ECPAS: variants seen among roughly 807,000 people sequenced by gnomAD.
ECPAS encodes the protein Ecm29 proteasome adaptor and scaffold.
Under a neutral mutation model 255.1 loss-of-function variants are expected in ECPAS, and 70 were observed. That is an observed-to-expected ratio of 0.27 (90% CI 0.23 to 0.33). The LOEUF (loss-of-function observed/expected upper bound fraction) is 0.33, where lower values mean the gene tolerates loss of function less well. ECPAS is among the 10% of genes least tolerant of loss of function. The pLI is 1.00. For synonymous variants in ECPAS, 784 were observed against 775.0 expected (o/e 1.01, Z -0.19); for missense variants, 1,817 against 2,206.4 (o/e 0.82, Z 3.54).
chr9:111,440,334 G>A, intron 6 of ECPAS, 38 bp downstream of exon 6: 1 of 1,552,238 alleles, frequency 6.4e-7, no homozygotes, highest in Non-Finnish European at 8.8e-7. Context: ...CGTAGTAAAA[G>A]CAGTCAAGAA....
intron 13 of ECPAS, among the ~76,000 whole-genome samples, chr9:111,422,452 T>C (rs1395447919): frequency 1.3e-5 from 2 of 152,200 alleles, no homozygotes; most frequent in Non-Finnish European, 2.9e-5. Context: ...GATTTTAACA[T>C]GAAGAAATTA....
At chr9:111,439,935 G>A (rs1200221501) in intron 6 of ECPAS, among the ~76,000 whole-genome samples, 3 of 152,058 alleles carry the variant, frequency 2.0e-5, no homozygotes, top group Non-Finnish European at 4.4e-5. Flanking sequence ...AAATGATATT[G>A]CAGCAACAAA....
In ECPAS at chr9:111,428,100, A is replaced by G; in HGVS notation, c.992T>C (p.Ile331Thr). Residue 331 changes from isoleucine (I) to threonine (T), a missense_variant, in exon 10 of 50, where the codon ATT becomes ACT. Transcript: ENST00000684092. ...TCTAGAGCGGAGGAGATGGGGGACA[A>G]TCTTTAACTTGACTCTTGTACTGAC... Reference protein sequence around the residue: ...DPVSTRVKLKIVPHLLRSRQA... With the variant: ...DPVSTRVKLKTVPHLLRSRQA... The G allele has an allele frequency of 6.2e-7, 1 of 1,613,514 alleles. No homozygotes were observed. Among genetic ancestry groups the G allele is most frequent in the Non-Finnish European group, 8.5e-7 (1 of 1,179,638 alleles).
chr9:111,467,035 T>C (rs1394079079), intron 2 of ECPAS, among the ~76,000 whole-genome samples: 2 of 152,236 alleles, frequency 1.3e-5, no homozygotes, highest in East Asian at 3.8e-4. Flanking sequence ...AGTAAAGGTT[T>C]AAAGACTTCA....
At chr9:111,410,420 T>C (rs1281017500) in intron 22 of ECPAS, among the ~76,000 whole-genome samples, 3 of 152,138 alleles carry the variant, frequency 2.0e-5, no homozygotes, top group East Asian at 3.8e-4. Context: ...ATGTATAAAT[T>C]TGTTCCCATA....
At chr9:111,395,706 C>T (rs1405551130) in intron 25 of ECPAS, among the ~76,000 whole-genome samples, 1 of 152,176 alleles carries the variant, frequency 6.6e-6, no homozygotes, top group African/African-American at 2.4e-5. Flanking sequence ...ATGCCTCTCA[C>T]AGCAAACCCA....
At chr9:111,407,594 T>A (rs902980825) in intron 24 of ECPAS, among the ~76,000 whole-genome samples, 1 of 151,954 alleles carries the variant, frequency 6.6e-6, no homozygotes, top group African/African-American at 2.4e-5. Flanking sequence ...GAATTCAGAA[T>A]CCAGACTAAT....
At chr9:111,403,431 T>C (rs1197753350) in intron 24 of ECPAS, among the ~76,000 whole-genome samples, 3 of 135,848 alleles carry the variant, frequency 2.2e-5, no homozygotes, top group Non-Finnish European at 4.5e-5. Context: ...GATACTTCCA[T>C]GCAAATGAAA....
intron 17 of ECPAS, 97 bp from the exon 18 acceptor site, chr9:111,416,449 C>G: frequency 1.2e-6 from 1 of 841,280 alleles, no homozygotes. Context: ...AGCTACATGT[C>G]CTAAGTTTGC....
At chr9:111,382,458 G>C (rs1162422823) in intron 35 of ECPAS, among the ~76,000 whole-genome samples, 1 of 151,570 alleles carries the variant, frequency 6.6e-6, no homozygotes, top group African/African-American at 2.4e-5. Flanking sequence ...AGTAGAGATG[G>C]GGTTTCTCCA....
At chr9:111,396,561 T>C (rs920733252) in intron 25 of ECPAS, among the ~76,000 whole-genome samples, 2 of 152,202 alleles carry the variant, frequency 1.3e-5, no homozygotes, top group African/African-American at 4.8e-5. Flanking sequence ...GTCTGCTTTT[T>C]ATTTTTTGAG....
At chr9:111,438,773 C>T (rs2098241710) in intron 6 of ECPAS, among the ~76,000 whole-genome samples, 1 of 152,164 alleles carries the variant, frequency 6.6e-6, no homozygotes, top group Non-Finnish European at 1.5e-5. Flanking sequence ...CAGGTGGTGA[C>T]AGTGAACATG....
rs554581960 is a variant in ECPAS at position 111,414,409 on chromosome 9, T to A, written c.1987+20A>T. 157 of 1,601,280 alleles carry A rather than the reference T, an allele frequency of 9.8e-5. No homozygotes were observed. The South Asian group carries it at 1.3e-3, about 13-fold the overall frequency. The stretch of plus-strand genomic sequence containing the variant: ...TGCTTAAGTGCTTCAGTATCTTTCC[T>A]TCGCGTCACATATTCCTACCTCCAA... On this transcript the variant is annotated intron_variant, in intron 19 of 49. Coordinates refer to ENST00000684092, the MANE Select transcript of ECPAS (RefSeq NM_001364929.1).
At chr9:111,376,596 G>T in intron 36 of ECPAS, 55 bp from the exon 37 acceptor site, 1 of 1,307,046 alleles carries the variant, frequency 7.7e-7, no homozygotes, top group Non-Finnish European at 1.1e-6. Context: ...GGAATAATCC[G>T]CACAAACACC....
chr9:111,419,992 C>A, intron 16 of ECPAS, 25 bp downstream of exon 16: 1 of 1,508,502 alleles, frequency 6.6e-7, no homozygotes, highest in Non-Finnish European at 9.2e-7. Flanking sequence ...AACCAAAATT[C>A]AAATTAACAC....
intron 9 of ECPAS, among the ~76,000 whole-genome samples, chr9:111,430,270 A>G (rs935564536): frequency 5.3e-5 from 8 of 152,228 alleles, no homozygotes; most frequent in South Asian, 2.1e-4. Context: ...CTGAGAGACC[A>G]TAAGGCCTGC....
Position 111,437,086 on chromosome 9 carries a change from T to C in ECPAS, c.562A>G (p.Ser188Gly). The C allele has an allele frequency of 1.4e-5, 22 of 1,606,392 alleles. No homozygotes were observed. Among genetic ancestry groups the C allele is most frequent in the Non-Finnish European group, 1.9e-5 (22 of 1,177,860 alleles). ...PYGYVLNESQ[S>G]RQNSSSAQGS... The stretch of plus-strand genomic sequence containing the variant: ...TGTGCTGAAGATGAATTTTGGCGAC[T>C]CTGGGATTCATTTAACACGTAACTG... The change falls in exon 7 of 50, where the codon AGT becomes GGT. Residue 188 changes from serine to glycine, a missense_variant. Around this residue, in one of 4 missense-constraint regions of ECPAS, gnomAD observed 573 missense variants for 716.2 expected, o/e 0.80. Coordinates refer to ENST00000684092, the MANE Select transcript of ECPAS (RefSeq NM_001364929.1).
At chr9:111,483,216 T>G (rs2098309374) in intron 1 of ECPAS, among the ~76,000 whole-genome samples, 1 of 151,768 alleles carries the variant, frequency 6.6e-6, no homozygotes, top group Non-Finnish European at 1.5e-5. Flanking sequence ...GGCAGGGGGC[T>G]GGGCTCCCCC....
intron 28 of ECPAS, 44 bp downstream of exon 28, chr9:111,392,724 C>T (rs933545915): frequency 2.2e-6 from 3 of 1,335,474 alleles, no homozygotes; most frequent in African/African-American, 1.4e-5. Flanking sequence ...TGTGTAGAGA[C>T]TTCCTCTATG....
Sources: gnomAD v4.1 joint callset for allele counts (sites outside exome capture counted in the v4.1 genomes callset) on GRCh38, gnomAD v4.1.1 for gene constraint, gnomAD v4.1.1 regional missense constraint, MANE v1.5 for transcripts, NCBI Gene and HGNC (gene_info 2026-07-23, HGNC 2026-07-21) for gene names.